Variants in MAD1L1 observed in about 807,000 individuals in gnomAD.
MAD1L1 encodes mitotic arrest deficient 1 like 1.
Under a neutral mutation model 96.9 loss-of-function variants are expected in MAD1L1, and 95 were observed. That is an observed-to-expected ratio of 0.98 (90% CI 0.83 to 1.16). The LOEUF (loss-of-function observed/expected upper bound fraction) is 1.16, where lower values mean the gene tolerates loss of function less well. Among genes scored for constraint, MAD1L1 ranks in the 50% most tolerant of loss-of-function variants. The probability of loss-of-function intolerance (pLI) is 0.00; values close to 1 mark genes in which losing one functional copy is unlikely to be tolerated. For synonymous variants in MAD1L1, 473 were observed against 396.6 expected (o/e 1.19, Z -2.29); for missense variants, 1,007 against 954.4 (o/e 1.06, Z -0.73).
At chr7:1,850,506 T>C (rs1016693624) in intron 18 of MAD1L1, among the ~76,000 whole-genome samples, 2 of 152,144 alleles carry the variant, frequency 1.3e-5, no homozygotes, top group African/African-American at 2.4e-5. Flanking sequence ...CCTGCAGGGC[T>C]CCAGACGGTG....
chr7:2,176,462 G>A (rs564936648), intron 10 of MAD1L1, among the ~76,000 whole-genome samples: 1 of 152,104 alleles, frequency 6.6e-6, no homozygotes, highest in Non-Finnish European at 1.5e-5. Context: ...CAGAGGTCCC[G>A]GCCAATGTAA....
At chr7:1,928,290 G>A (rs1282187970) in intron 17 of MAD1L1, among the ~76,000 whole-genome samples, 3 of 149,694 alleles carry the variant, frequency 2.0e-5, no homozygotes, top group African/African-American at 7.4e-5. Context: ...CGACAGAACT[G>A]CCACACCTGA....
chr7:2,163,753 G>T (rs1790280212), intron 10 of MAD1L1, among the ~76,000 whole-genome samples: 1 of 152,124 alleles, frequency 6.6e-6, no homozygotes, highest in Non-Finnish European at 1.5e-5. Flanking sequence ...GCAAGCCTGG[G>T]GAGCACTGGA....
intron 10 of MAD1L1, among the ~76,000 whole-genome samples, chr7:2,168,271 C>G (rs1170105722): frequency 6.7e-6 from 1 of 150,280 alleles, no homozygotes; most frequent in Non-Finnish European, 1.5e-5. Context: ...GGTGACAGAG[C>G]GAGACTGTCT....
intron 10 of MAD1L1, among the ~76,000 whole-genome samples, chr7:2,209,048 C>T (rs1792748832): frequency 6.6e-6 from 1 of 152,224 alleles, no homozygotes; most frequent in African/African-American, 2.4e-5. Context: ...CATCCACACG[C>T]ACTGTGTCCC....
chr7:1,879,191 C>T lies in MAD1L1; in HGVS notation c.1998+19009G>A, dbSNP rs757475841. ...ATATTGTTAGAATGTCAGTTCTTCC[C>T]GGCCGGGTGCAGTGGCTCATGCCTG... On this transcript the variant is annotated intron_variant, in intron 18 of 18. Transcript: ENST00000265854. Among the ~76,000 whole-genome samples the T allele has an allele frequency of 5.9e-5, 9 of 152,142 alleles. No individual in the cohort carries two copies. In the South Asian group the frequency reaches 1.5e-3, roughly 25 times the overall value.
chr7:2,201,713 T>G (rs933187164), intron 10 of MAD1L1: 3 of 152,266 alleles, frequency 2.0e-5, no homozygotes, highest in African/African-American at 7.2e-5. Context: ...CACTCAGCTG[T>G]CTGTGCAGTC....
At chr7:1,839,978 G>A (rs1783157120) in intron 18 of MAD1L1, among the ~76,000 whole-genome samples, 1 of 152,242 alleles carries the variant, frequency 6.6e-6, no homozygotes, top group Non-Finnish European at 1.5e-5. Flanking sequence ...CCCAGGCGGA[G>A]CAGGACCCCC....
chr7:2,052,599 C>G (rs1370957206), intron 12 of MAD1L1, among the ~76,000 whole-genome samples: 1 of 152,196 alleles, frequency 6.6e-6, no homozygotes, highest in Non-Finnish European at 1.5e-5. Context: ...GTTTATAAGT[C>G]CTTATATCTT....
intron 11 of MAD1L1, among the ~76,000 whole-genome samples, chr7:2,138,160 G>A (rs1303596467): frequency 6.6e-6 from 1 of 152,234 alleles, no homozygotes; most frequent in African/African-American, 2.4e-5. Flanking sequence ...GTTACAAAGG[G>A]TTTCATGGGG....
intron 15 of MAD1L1, among the ~76,000 whole-genome samples, chr7:1,965,564 G>A (rs1214797655): frequency 6.6e-6 from 1 of 152,248 alleles, no homozygotes; most frequent in South Asian, 2.1e-4. Context: ...GGCCGGAAAA[G>A]AAAGCCACTG....
chr7:2,210,805 C>A (rs968337571), intron 10 of MAD1L1, among the ~76,000 whole-genome samples: 7 of 152,262 alleles, frequency 4.6e-5, no homozygotes, highest in Non-Finnish European at 7.3e-5. Context: ...AGGGGTCGAC[C>A]CCCACAGCGA....
At chr7:1,969,643 C>A (rs1170185656) in intron 15 of MAD1L1, among the ~76,000 whole-genome samples, 4 of 152,234 alleles carry the variant, frequency 2.6e-5, no homozygotes, top group Non-Finnish European at 1.5e-5. Context: ...ATAACCTGTT[C>A]TAGTCAATAA....
intron 18 of MAD1L1, among the ~76,000 whole-genome samples, chr7:1,884,948 C>T (rs942091132): frequency 3.3e-5 from 5 of 152,222 alleles, no homozygotes; most frequent in South Asian, 2.1e-4. Context: ...CGTCGCCCTC[C>T]GGGAATAGGC....
In MAD1L1 at chr7:2,043,577, G is replaced by A. The variant is rs192845967; in HGVS notation, c.1218+25617C>T. Among the ~76,000 whole-genome samples, 424 of 152,336 alleles carry A rather than the reference G, an allele frequency of 2.8e-3. 1 individual carries two copies. Among genetic ancestry groups the A allele is most frequent in the Non-Finnish European group, 4.2e-3 (285 of 68,022 alleles). On this transcript the variant is annotated intron_variant, in intron 12 of 18. Coordinates refer to ENST00000265854, the MANE Select transcript of MAD1L1 (RefSeq NM_001013836.2). The stretch of plus-strand genomic sequence containing the variant: ...GCCCGGGTACCGTGCCTACAAGGAC[G>A]CTGGGTCATGACTGTTCTCTGGAGG...
At chr7:1,906,347 A>AGCTGAG (rs1295846920) in intron 17 of MAD1L1, among the ~76,000 whole-genome samples, 1 of 152,042 alleles carries the variant, frequency 6.6e-6, no homozygotes, top group Non-Finnish European at 1.5e-5. Context: ...GCAAGACTTG[A>AGCTGAG]GCTGAGGCAG....
chr7:2,060,132 GAGATACGCAGATGCCA>G (rs1381272540), intron 12 of MAD1L1, among the ~76,000 whole-genome samples: 1 of 145,564 alleles, frequency 6.9e-6, no homozygotes, highest in East Asian at 2.0e-4. Flanking sequence ...CCGAGATGTC[GAGATACGCAGATGCCA>G]AGATACGCCG....
chr7:2,062,779 C>A (rs990104743), intron 12 of MAD1L1, among the ~76,000 whole-genome samples: 1 of 152,132 alleles, frequency 6.6e-6, no homozygotes, highest in African/African-American at 2.4e-5. Flanking sequence ...GAGCCACACC[C>A]ACTGTGCAGC....
intron 11 of MAD1L1, among the ~76,000 whole-genome samples, chr7:2,074,266 A>C (rs1168546135): frequency 6.6e-6 from 1 of 152,166 alleles, no homozygotes; most frequent in East Asian, 1.9e-4. Flanking sequence ...TGAGCAGAGA[A>C]TCTCACGGCG....
Sources: allele counts gnomAD v4.1 joint callset (sites outside exome capture counted in the v4.1 genomes callset), GRCh38; gene constraint gnomAD v4.1.1; transcripts MANE v1.5; gene names NCBI Gene and HGNC (gene_info 2026-07-23, HGNC 2026-07-21).